SLC39A8: variants seen among roughly 807,000 people sequenced by gnomAD.
The protein encoded by SLC39A8 is solute carrier family 39 member 8.
In SLC39A8, 15 loss-of-function variants were observed where a neutral mutation model predicts 40.4. The ratio of observed to expected loss-of-function variants is 0.37; its 90% CI spans 0.25 to 0.57. The LOEUF is 0.57. SLC39A8 is among the 20% of genes least tolerant of loss of function. The probability of loss-of-function intolerance (pLI) is 0.75; values close to 1 mark genes in which losing one functional copy is unlikely to be tolerated. For missense variants in SLC39A8, 472 were observed against 558.8 expected (o/e 0.84, Z 1.57); for synonymous variants, 223 against 221.6 (o/e 1.01, Z -0.06).
At chr4:102,334,876 A>G (rs1165006478) in intron 2 of SLC39A8, among the ~76,000 whole-genome samples, 4 of 152,212 alleles carry the variant, frequency 2.6e-5, no homozygotes, top group Admixed American at 1.3e-4. Context: ...GGGAATAACA[A>G]GAGTGTTTAC....
At chr4:102,304,871 C>A in intron 5 of SLC39A8, 118 bp downstream of exon 5, 1 of 836,094 alleles carries the variant, frequency 1.2e-6, no homozygotes, top group Non-Finnish European at 1.8e-6. Context: ...CTTAAACTCA[C>A]AAGCCTAATA....
At chr4:102,294,792 T>A (rs1733610480) in intron 6 of SLC39A8, among the ~76,000 whole-genome samples, 1 of 151,780 alleles carries the variant, frequency 6.6e-6, no homozygotes, top group Non-Finnish European at 1.5e-5. Flanking sequence ...GCAAAACAGA[T>A]GAATAGGAAA....
intron 8 of SLC39A8, among the ~76,000 whole-genome samples, chr4:102,264,968 CA>C (rs1227251335): frequency 6.6e-6 from 1 of 152,216 alleles, no homozygotes; most frequent in African/African-American, 2.4e-5. Context: ...TCTTTCTATC[CA>C]TACCACGTAA....
chr4:102,341,311 T>C (rs1379980934), intron 2 of SLC39A8, among the ~76,000 whole-genome samples: 2 of 151,728 alleles, frequency 1.3e-5, no homozygotes. Context: ...GATCTTCCTT[T>C]TATCAGGCTG....
chr4:102,320,179 A>ATATATATATATATGTATATATATATG (rs1560560754), intron 2 of SLC39A8, among the ~76,000 whole-genome samples: 56 of 99,794 alleles, frequency 5.6e-4, no homozygotes, highest in African/African-American at 1.7e-3. Context: ...ATATATATAT[A>ATATATATATATATGTATATATATATG]TATATATATA....
At chr4:102,299,123 G>C (rs1471910226) in intron 6 of SLC39A8, among the ~76,000 whole-genome samples, 1 of 151,772 alleles carries the variant, frequency 6.6e-6, no homozygotes. Context: ...TATTCTTAGT[G>C]CCCCAGTCCC....
At chr4:102,278,493 A>T (rs1224339030) in intron 6 of SLC39A8, among the ~76,000 whole-genome samples, 1 of 152,164 alleles carries the variant, frequency 6.6e-6, no homozygotes. Context: ...GAAACAACAG[A>T]TGCTGGCAAG....
chr4:102,333,721 A>T (rs1179877496), intron 2 of SLC39A8, among the ~76,000 whole-genome samples: 1 of 152,186 alleles, frequency 6.6e-6, no homozygotes, highest in Admixed American at 6.5e-5. Context: ...CAAGAGAGAA[A>T]TCTGAAGTAA....
intron 3 of SLC39A8, among the ~76,000 whole-genome samples, chr4:102,308,873 T>TGTG (rs1734304224): frequency 6.6e-6 from 1 of 152,088 alleles, no homozygotes; most frequent in African/African-American, 2.4e-5. Flanking sequence ...AGAGAAATAC[T>TGTG]ACTACCTCCT....
At chr4:102,338,459 T>C (rs565776709) in intron 2 of SLC39A8, among the ~76,000 whole-genome samples, 1 of 152,296 alleles carries the variant, frequency 6.6e-6, no homozygotes, top group South Asian at 2.1e-4. Flanking sequence ...GTGCTGGGAT[T>C]ACAGGCGTTA....
downstream of SLC39A8, among the ~76,000 whole-genome samples, chr4:102,260,138 T>A (rs1731807714): frequency 1.3e-5 from 2 of 152,210 alleles, no homozygotes; most frequent in African/African-American, 4.8e-5. Flanking sequence ...AAGGGATTGA[T>A]CTGAAACAAG....
chr4:102,335,866 C>CT (rs779221790), intron 2 of SLC39A8, among the ~76,000 whole-genome samples: 3 of 152,160 alleles, frequency 2.0e-5, no homozygotes, highest in South Asian at 2.1e-4. Flanking sequence ...TCTCACTGAT[C>CT]TTTTTTTTCA....
Position 102,344,777 on chromosome 4 carries a change from G to T in SLC39A8, c.-115C>A. On this transcript the variant is annotated 5_prime_UTR_variant, in exon 2 of 9. Transcript: ENST00000356736. ...GAGCGTCAGTGCTCGGCGCTGCTCC[G>T]AGTCAGAGGTGGCGCGGGACGCCCC... 1 of 1,321,472 alleles carries T rather than the reference G, an allele frequency of 7.6e-7. No homozygotes were observed. The highest frequency in any genetic ancestry group is 2.1e-5 in the South Asian group (1 of 48,072). 81.9% of individuals were successfully genotyped at this position (1,321,472 alleles called of 1,614,324 possible).
downstream of SLC39A8, among the ~76,000 whole-genome samples, chr4:102,256,987 G>A (rs1560520765): frequency 1.3e-5 from 2 of 152,186 alleles, no homozygotes; most frequent in African/African-American, 2.4e-5. Flanking sequence ...CAAAACCAAA[G>A]GAGGGGAATC....
At position 102,320,425 on chromosome 4, in the gene SLC39A8, T is replaced by TATATATATGAGAATATATATATGAGA. The variant is rs1560561395; in HGVS notation, c.220-4596_220-4595insTCTCATATATATATTCTCATATATAT. Among the ~76,000 whole-genome samples the TATATATATGAGAATATATATATGAGA allele has an allele frequency of 2.1e-4, 14 of 65,968 alleles. 4 individuals are homozygous for TATATATATGAGAATATATATATGAGA. Among genetic ancestry groups the TATATATATGAGAATATATATATGAGA allele is most frequent in the Admixed American group, 1.3e-3 (8 of 6,384 alleles). 43.3% of individuals were successfully genotyped at this position (65,968 alleles called of 152,430 possible). A position where few individuals can be genotyped will look rare whatever the true frequency, so the allele number is the denominator to read the frequency against. On this transcript the variant is annotated intron_variant, in intron 2 of 8. Transcript: ENST00000356736. ...ATATATGAGAATATATATATGAGAA[T>TATATATATGAGAATATATATATGAGA]ATATATATATGAGAATATATATATG...
At chr4:102,302,364 C>T (rs1733957678) in intron 6 of SLC39A8, among the ~76,000 whole-genome samples, 1 of 151,974 alleles carries the variant, frequency 6.6e-6, no homozygotes, top group South Asian at 2.1e-4. Context: ...AGTTCAACCA[C>T]AATCTCACTA....
rs563319129 is a variant in SLC39A8, at chr4:102,263,781, C to G, written c.1234-588G>C. ...ACTATGTTTATAGAATATTCTAAATCCTTTGTTGTCATTTCAGCAATGTTC... is the reference window on the plus strand; with the variant it reads ...ACTATGTTTATAGAATATTCTAAATGCTTTGTTGTCATTTCAGCAATGTTC... On this transcript the variant is annotated intron_variant, in intron 8 of 8. Coordinates refer to ENST00000356736, the MANE Select transcript of SLC39A8 (RefSeq NM_001135146.2). Among the ~76,000 whole-genome samples the G allele has an allele frequency of 6.0e-4, 91 of 152,268 alleles. 1 individual carries two copies. The highest frequency in any genetic ancestry group is 1.1e-3 in the Non-Finnish European group (75 of 68,002).
chr4:102,284,508 A>C (rs1056643954), intron 6 of SLC39A8, among the ~76,000 whole-genome samples: 1 of 152,210 alleles, frequency 6.6e-6, no homozygotes, highest in Non-Finnish European at 1.5e-5. Context: ...AAAATAAATG[A>C]TGAAATGAAT....
chr4:102,319,787 AG>A (rs2149043455), intron 2 of SLC39A8, among the ~76,000 whole-genome samples: 1 of 152,148 alleles, frequency 6.6e-6, no homozygotes, highest in East Asian at 1.9e-4. Context: ...CATTATTTCT[AG>A]GGCGTTAAAC....
Sources: gnomAD v4.1 joint callset for allele counts (sites outside exome capture counted in the v4.1 genomes callset) on GRCh38, gnomAD v4.1.1 for gene constraint, MANE v1.5 for transcripts, NCBI Gene and HGNC (gene_info 2026-07-23, HGNC 2026-07-21) for gene names.